GALNTL6: variants seen among roughly 807,000 people sequenced by gnomAD.
GALNTL6 encodes the protein polypeptide N-acetylgalactosaminyltransferase like 6, also known as polypeptide N-acetylgalactosaminyltransferase-like 6.
Under a neutral mutation model 73.7 loss-of-function variants are expected in GALNTL6, and 46 were observed. The observed-to-expected ratio is 0.62, with a 90% CI of 0.49 to 0.80. The LOEUF is 0.80. Ranked by LOEUF, GALNTL6 falls within the 30% of genes least tolerant of loss-of-function variation. The pLI, the probability that GALNTL6 is intolerant of heterozygous loss-of-function variation, is 0.00. For missense variants in GALNTL6, 604 were observed against 755.0 expected, an observed-to-expected ratio of 0.80 and a Z score of 2.34; for synonymous variants, 259 against 263.7, an observed-to-expected ratio of 0.98 and a Z score of 0.17.
chr4:172,970,440 C>G (rs1280314144), intron 10 of GALNTL6, among the ~76,000 whole-genome samples: 1 of 152,092 alleles, frequency 6.6e-6, no homozygotes, highest in Non-Finnish European at 1.5e-5. Flanking sequence ...AGACCTCCCC[C>G]CAGGAATGCA....
At chr4:172,849,166 G>A (rs764962347) in intron 7 of GALNTL6, among the ~76,000 whole-genome samples, 9 of 152,152 alleles carry the variant, frequency 5.9e-5, no homozygotes, top group Non-Finnish European at 1.3e-4. Flanking sequence ...TGTAGGACAA[G>A]ACAGATTTCA....
chr4:172,825,716 A>T (rs7654998), intron 7 of GALNTL6, among the ~76,000 whole-genome samples: 39,942 of 152,050 alleles, frequency 0.26, 7,085 homozygotes, highest in African/African-American at 0.49. Flanking sequence ...CCACAAAAAA[A>T]AAGAAAGCAG....
At chr4:171,920,933 C>T (rs1232935062) in intron 2 of GALNTL6, among the ~76,000 whole-genome samples, 1 of 152,066 alleles carries the variant, frequency 6.6e-6, no homozygotes, top group East Asian at 1.9e-4. Flanking sequence ...ACTTTTGACT[C>T]CTTCAGTTGT....
intron 5 of GALNTL6, among the ~76,000 whole-genome samples, chr4:172,572,634 T>G (rs1377223814): frequency 2.0e-5 from 3 of 152,216 alleles, no homozygotes; most frequent in African/African-American, 7.2e-5. Context: ...CTGTGTAATC[T>G]AAGTTCCAAC....
At chr4:172,112,728 T>C (rs1732887248) in intron 2 of GALNTL6, among the ~76,000 whole-genome samples, 2 of 151,992 alleles carry the variant, frequency 1.3e-5, no homozygotes, top group Non-Finnish European at 2.9e-5. Context: ...GACGATGGTA[T>C]TAGGAAGTAG....
chr4:172,806,501 A>G (rs901334649), intron 5 of GALNTL6, among the ~76,000 whole-genome samples: 2 of 152,242 alleles, frequency 1.3e-5, no homozygotes, highest in African/African-American at 4.8e-5. Flanking sequence ...AACCATTCTC[A>G]GGTGACTTAA....
intron 5 of GALNTL6, among the ~76,000 whole-genome samples, chr4:172,384,715 A>C (rs1043758130): frequency 1.3e-5 from 2 of 152,034 alleles, no homozygotes; most frequent in African/African-American, 4.8e-5. Context: ...TTCTTGCTTT[A>C]TACTGGCGTT....
chr4:171,950,389 T>C (rs1317403820), intron 2 of GALNTL6, among the ~76,000 whole-genome samples: 3 of 151,560 alleles, frequency 2.0e-5, no homozygotes, highest in Non-Finnish European at 2.9e-5. Context: ...ATCAACCTTA[T>C]AAATCAACAA....
intron 3 of GALNTL6, among the ~76,000 whole-genome samples, chr4:172,285,053 A>G (rs1312378427): frequency 1.3e-5 from 2 of 152,210 alleles, no homozygotes; most frequent in Non-Finnish European, 2.9e-5. Context: ...TTGTAATAAT[A>G]TTAATTCTTC....
intron 2 of GALNTL6, among the ~76,000 whole-genome samples, chr4:171,936,101 A>G (rs2111004726): frequency 6.6e-6 from 1 of 152,316 alleles, no homozygotes; most frequent in Middle Eastern, 3.4e-3. Flanking sequence ...CCAGTTTCCT[A>G]CATTAGTAAG....
chr4:172,446,067 C>A (rs1275912360), intron 5 of GALNTL6, among the ~76,000 whole-genome samples: 1 of 152,004 alleles, frequency 6.6e-6, no homozygotes, highest in South Asian at 2.1e-4. Flanking sequence ...AAAATAAAAA[C>A]AAAAGCAGCA....
chr4:173,004,745 C>G (rs1000119787), intron 10 of GALNTL6, among the ~76,000 whole-genome samples: 2 of 152,138 alleles, frequency 1.3e-5, no homozygotes, highest in African/African-American at 4.8e-5. Flanking sequence ...AGTCTCAAGC[C>G]TTTCTTCCAT....
At chr4:172,623,725 C>G (rs981230189) in intron 5 of GALNTL6, among the ~76,000 whole-genome samples, 1 of 151,984 alleles carries the variant, frequency 6.6e-6, no homozygotes, top group Admixed American at 6.6e-5. Context: ...ATGCAAGACA[C>G]TATCTTCCAG....
At chr4:172,421,547 T>C (rs1731053407) in intron 5 of GALNTL6, among the ~76,000 whole-genome samples, 1 of 151,846 alleles carries the variant, frequency 6.6e-6, no homozygotes, top group South Asian at 2.1e-4. Flanking sequence ...TCATAATTTA[T>C]AGATATAAAT....
chr4:172,122,399 T>C (rs571892724), intron 2 of GALNTL6, among the ~76,000 whole-genome samples: 1 of 152,250 alleles, frequency 6.6e-6, no homozygotes, highest in South Asian at 2.1e-4. Context: ...ATCATTCTAG[T>C]TTGCAGTTTG....
chr4:172,407,172 C>A (rs1205517439), intron 5 of GALNTL6, among the ~76,000 whole-genome samples: 2 of 152,026 alleles, frequency 1.3e-5, no homozygotes, highest in Admixed American at 1.3e-4. Flanking sequence ...GCTCCATACT[C>A]ATGCTTCAAA....
intron 2 of GALNTL6, among the ~76,000 whole-genome samples, chr4:171,920,387 A>AAAAAAG (rs752284234): frequency 3.8e-4 from 58 of 152,162 alleles, no homozygotes; most frequent in Non-Finnish European, 7.8e-4. Flanking sequence ...TAATTTAAAA[A>AAAAAAG]AAAAAGAAAA....
chr4:172,098,614 T>C (rs1460213327), intron 2 of GALNTL6, among the ~76,000 whole-genome samples: 1 of 152,152 alleles, frequency 6.6e-6, no homozygotes, highest in Non-Finnish European at 1.5e-5. Context: ...TTGTGTTTTG[T>C]AAGGACTACT....
chr4:172,481,644 C>G lies in GALNTL6; in HGVS notation c.553+132955C>G, dbSNP rs201516723. ...GAGTGCTGATTGGTATATTTACAAT[C>G]GTCTAGCTAGACATAAAAGTTCTCC... On this transcript the variant is annotated intron_variant, in intron 5 of 12. Coordinates refer to ENST00000506823, the MANE Select transcript of GALNTL6 (RefSeq NM_001034845.3). Among the ~76,000 whole-genome samples the G allele has an allele frequency of 2.9e-4, 44 of 152,256 alleles. No individual in the cohort carries two copies. The East Asian group carries it at 4.1e-3, about 14-fold the overall frequency.
Sources: gnomAD v4.1 joint callset for allele counts (sites outside exome capture counted in the v4.1 genomes callset) on GRCh38, gnomAD v4.1.1 for gene constraint, MANE v1.5 for transcripts, NCBI Gene and HGNC (gene_info 2026-07-23, HGNC 2026-07-21) for gene names.